Variants in CDH4 observed in about 807,000 individuals in gnomAD.
CDH4 encodes the protein cadherin-4.
A neutral mutation model predicts 86.0 loss-of-function variants in CDH4; 33 were observed. The observed-to-expected ratio is 0.38, with a 90% confidence interval of 0.29 to 0.51. CDH4 has a LOEUF of 0.51. Ranked by LOEUF, CDH4 falls within the 20% of genes least tolerant of loss-of-function variation. The pLI, the probability that CDH4 is intolerant of heterozygous loss-of-function variation, is 0.86. For missense variants in CDH4, 1,114 were observed against 1,307.4 expected (o/e 0.85, Z 2.28); for synonymous variants, 555 against 549.4 (o/e 1.01, Z -0.14).
At chr20:61,619,157 A>G (rs2086749364) in intron 2 of CDH4, among the ~76,000 whole-genome samples, 1 of 152,180 alleles carries the variant, frequency 6.6e-6, no homozygotes. Flanking sequence ...CTGCAGATAC[A>G]GGTGATGCTT....
At chr20:61,733,915 C>G (rs1003629553) in intron 2 of CDH4, among the ~76,000 whole-genome samples, 2 of 152,222 alleles carry the variant, frequency 1.3e-5, no homozygotes, top group Non-Finnish European at 2.9e-5. Context: ...CCTGCATGCC[C>G]GTCTTGGGGA....
At chr20:61,743,181 T>C (rs1468279767) in intron 2 of CDH4, among the ~76,000 whole-genome samples, 3 of 152,162 alleles carry the variant, frequency 2.0e-5, no homozygotes, top group Non-Finnish European at 4.4e-5. Flanking sequence ...AGGAAGAAGA[T>C]TTGCATAGGC....
At chr20:61,485,755 C>A (rs2085592887) in intron 2 of CDH4, among the ~76,000 whole-genome samples, 2 of 152,254 alleles carry the variant, frequency 1.3e-5, no homozygotes, top group African/African-American at 2.4e-5. Context: ...GGCCAGACAG[C>A]TGTCTGTGCT....
chr20:61,373,411 G>T (rs2084850795), intron 2 of CDH4, among the ~76,000 whole-genome samples: 1 of 152,238 alleles, frequency 6.6e-6, no homozygotes, highest in Admixed American at 6.5e-5. Context: ...GTTGGAAGCT[G>T]ATTCAAAGAC....
At chr20:61,638,360 G>A (rs1016805148) in intron 2 of CDH4, among the ~76,000 whole-genome samples, 3 of 152,212 alleles carry the variant, frequency 2.0e-5, no homozygotes, top group Admixed American at 6.5e-5. Flanking sequence ...GGGAGAGTGT[G>A]TCCTGGCAAA....
intron 2 of CDH4, among the ~76,000 whole-genome samples, chr20:61,507,535 T>G (rs1346617904): frequency 6.6e-6 from 1 of 152,146 alleles, no homozygotes; most frequent in Non-Finnish European, 1.5e-5. Flanking sequence ...GAGTTCACTG[T>G]GTCTCAGGCA....
At position 61,638,735 on chromosome 20, in the gene CDH4, C is replaced by T. The variant is rs184223424; in HGVS notation, c.170-104828C>T. Among the ~76,000 whole-genome samples, 278 of 152,274 alleles carry T rather than the reference C, an allele frequency of 1.8e-3. 1 individual carries two copies. The highest frequency in any genetic ancestry group is 4.8e-3 in the Admixed American group (73 of 15,298). On this transcript the variant is annotated intron_variant, in intron 2 of 15. Coordinates refer to ENST00000614565, the MANE Select transcript of CDH4 (RefSeq NM_001794.5). ...AATGGGTTGGTTTCTGGTTTTACTT[C>T]GACATCTGGGTAGATGCAATGCAAA...
intron 4 of CDH4, among the ~76,000 whole-genome samples, chr20:61,828,213 G>A (rs946084485): frequency 6.6e-6 from 1 of 152,158 alleles, no homozygotes. Flanking sequence ...ATAAAAGAGA[G>A]ACAGTGGCAA....
rs2088793801 is a variant in CDH4, at chr20:61,773,007, A to G, written c.401A>G (p.Gln134Arg). 2.5e-6 allele frequency: 4 copies of G among 1,607,286 alleles called. No individual in the cohort carries two copies. The African/African-American group carries it at 5.4e-5, about 22-fold the overall frequency. ...CTCTCCCCTTTCCAAATAAAGCCGC[A>G]GAAAGGAAAGAAGGTCGTGGCTCTG... Reference protein sequence around the residue: ...TSSPHSGHKPQKGKKVVALDP... With the variant: ...TSSPHSGHKPRKGKKVVALDP... Residue 134 changes from glutamine (Q) to arginine (R), a missense_variant, in exon 4 of 16, where the codon CAG becomes CGG. Physicochemically the swap from Gln to Arg is conservative, Grantham distance 43. Coordinates refer to ENST00000614565, the MANE Select transcript of CDH4 (RefSeq NM_001794.5).
intron 2 of CDH4, among the ~76,000 whole-genome samples, chr20:61,683,459 G>A (rs770496896): frequency 2.0e-5 from 3 of 152,162 alleles, no homozygotes; most frequent in Admixed American, 1.3e-4. Context: ...CCCCCGAACC[G>A]CGAGTCGTGG....
intron 2 of CDH4, among the ~76,000 whole-genome samples, chr20:61,624,360 C>T (rs1490939610): frequency 6.6e-6 from 1 of 152,212 alleles, no homozygotes; most frequent in Non-Finnish European, 1.5e-5. Context: ...ATCCAATGAC[C>T]AAGTCCCAGC....
chr20:61,536,183 T>C (rs999870912), intron 2 of CDH4, among the ~76,000 whole-genome samples: 1 of 152,096 alleles, frequency 6.6e-6, no homozygotes, highest in Non-Finnish European at 1.5e-5. Flanking sequence ...CGGAGAAGCC[T>C]CACTGCCTCC....
chr20:61,633,227 A>C, intron 2 of CDH4, among the ~76,000 whole-genome samples: 1 of 148,464 alleles, frequency 6.7e-6, no homozygotes, highest in African/African-American at 2.5e-5. Context: ...TCATTCATTC[A>C]TTCATCCATC....
At position 61,708,250 on chromosome 20, in the gene CDH4, AG is replaced by A. The variant is rs1424788907; in HGVS notation, c.170-35308del. Among the ~76,000 whole-genome samples the A allele has an allele frequency of 2.6e-5, 4 of 152,136 alleles. No homozygotes were observed. Among genetic ancestry groups the A allele is most frequent in the Admixed American group, 2.0e-4 (3 of 15,282 alleles). On this transcript the variant is annotated intron_variant, in intron 2 of 15. Transcript: ENST00000614565. The surrounding 1 kb of genome is among the most constrained non-coding windows in gnomAD (Gnocchi z 4.5). ...CAGGGCTGAGTGTAGCGTGGCCAGC[AG>A]GGGGTTGACTTTTACCCCGAACCAG...
chr20:61,508,713 G>T (rs1434401327), intron 2 of CDH4, among the ~76,000 whole-genome samples: 1 of 152,238 alleles, frequency 6.6e-6, no homozygotes, highest in African/African-American at 2.4e-5. Flanking sequence ...GCCCCACCTG[G>T]AATGCCTGGC....
At chr20:61,625,538 A>G (rs1385590999) in intron 2 of CDH4, among the ~76,000 whole-genome samples, 1 of 152,222 alleles carries the variant, frequency 6.6e-6, no homozygotes, top group African/African-American at 2.4e-5. Flanking sequence ...TCATCTGCTT[A>G]TCATGAGAAC....
chr20:61,800,819 G>A (rs1042309667), intron 4 of CDH4, among the ~76,000 whole-genome samples: 3 of 152,220 alleles, frequency 2.0e-5, no homozygotes, highest in African/African-American at 7.2e-5. Context: ...CTGATAACAG[G>A]CCCACTGGGG....
chr20:61,919,059 C>A (rs1381375874), intron 9 of CDH4, among the ~76,000 whole-genome samples: 1 of 152,162 alleles, frequency 6.6e-6, no homozygotes, highest in Admixed American at 6.5e-5. Context: ...TTTGTAGAGA[C>A]AGCATCTCAC....
chr20:61,788,287 T>G (rs1043315237), intron 4 of CDH4, among the ~76,000 whole-genome samples: 8 of 152,106 alleles, frequency 5.3e-5, no homozygotes, highest in Non-Finnish European at 8.8e-5. Context: ...TGTGTGTGTA[T>G]GTGAGGAGCT....
Sources: gnomAD v4.1 joint callset for allele counts (sites outside exome capture counted in the v4.1 genomes callset) on GRCh38, gnomAD v4.1.1 for gene constraint, Gnocchi (gnomAD v3.1) non-coding constraint, MANE v1.5 for transcripts, NCBI Gene and HGNC (gene_info 2026-07-23, HGNC 2026-07-21) for gene names.